Variants in GATA4 observed in about 807,000 individuals in gnomAD.
GATA4 encodes transcription factor GATA-4.
Under a neutral mutation model 37.9 loss-of-function variants are expected in GATA4, and 7 were observed. The observed-to-expected ratio is 0.18, with a 90% confidence interval of 0.11 to 0.35. GATA4 has a LOEUF of 0.35. Among genes scored for constraint, GATA4 ranks in the 10% least tolerant of loss-of-function variants. GATA4 has a pLI of 1.00. For missense variants in GATA4, 647 were observed against 653.0 expected, an observed-to-expected ratio of 0.99 and a Z score of 0.10; for synonymous variants, 372 against 292.6, an observed-to-expected ratio of 1.27 and a Z score of -2.77.
At chr8:11,683,070 CT>C (rs1209600873) in intron 1 of GATA4, 7 of 985,128 alleles carry the variant, frequency 7.1e-6, no homozygotes, top group Admixed American at 6.1e-5. Flanking sequence ...CTCTTACCCC[CT>C]AGGTTTTCCC....
chr8:11,681,548 T>C (rs372886592), intron 1 of GATA4: 1 of 754,944 alleles, frequency 1.3e-6, no homozygotes, highest in African/African-American at 1.9e-5. Context: ...CTGTTGTTTC[T>C]TTAGATACTG....
intron 2 of GATA4, among the ~76,000 whole-genome samples, chr8:11,720,931 G>T (rs895205621): frequency 6.6e-6 from 1 of 152,020 alleles, no homozygotes; most frequent in African/African-American, 2.4e-5. Context: ...TAGAAGTTCA[G>T]CTCCCTTCAC....
chr8:11,741,903 G>C (rs1229077933), intron 2 of GATA4, among the ~76,000 whole-genome samples: 1 of 152,224 alleles, frequency 6.6e-6, no homozygotes, highest in Admixed American at 6.5e-5. Context: ...CTGGGGAAGG[G>C]GTCAGGGATG....
chr8:11,719,301 C>T (rs1050423451), intron 2 of GATA4, among the ~76,000 whole-genome samples: 5 of 151,848 alleles, frequency 3.3e-5, no homozygotes, highest in African/African-American at 1.2e-4. Context: ...ACAGGTTGCC[C>T]CTCAAAATTG....
At chr8:11,720,515 G>A (rs1410993876) in intron 2 of GATA4, among the ~76,000 whole-genome samples, 2 of 152,084 alleles carry the variant, frequency 1.3e-5, no homozygotes, top group South Asian at 2.1e-4. Flanking sequence ...CTCGTGTCAC[G>A]GGGATTTGTT....
intron 2 of GATA4, among the ~76,000 whole-genome samples, chr8:11,710,431 C>G (rs1456132528): frequency 6.6e-6 from 1 of 151,906 alleles, no homozygotes; most frequent in Admixed American, 6.6e-5. Flanking sequence ...TCTCCAGGGC[C>G]CTCTGGGGCC....
chr8:11,749,972 G>A lies in GATA4; in HGVS notation c.787-139G>A. The A allele has an allele frequency of 8.8e-7, 1 of 1,135,060 alleles. No individual in the cohort carries two copies. The highest frequency in any genetic ancestry group is 1.3e-6 in the Non-Finnish European group (1 of 771,624). 70.3% of individuals were successfully genotyped at this position (1,135,060 alleles called of 1,614,324 possible). A position where few individuals can be genotyped will look rare whatever the true frequency, so the allele number is the denominator to read the frequency against. ...GACAGGAGAGTTAGGTGCCGTCACA[G>A]GTCAGAGATCTCATGCAGGGTCGTT... On this transcript the variant is annotated intron_variant, in intron 3 of 6. Coordinates refer to ENST00000532059, the MANE Select transcript of GATA4 (RefSeq NM_001308093.3). This position sits in a 1 kb window ranked among gnomAD's most constrained non-coding sequence, Gnocchi z 4.6.
chr8:11,749,869 C>G lies in GATA4; in HGVS notation c.787-242C>G, dbSNP rs1802209912. Among the ~76,000 whole-genome samples the G allele has an allele frequency of 6.6e-6, 1 of 152,202 alleles. No homozygotes were observed. The highest frequency in any genetic ancestry group is 1.5e-5 in the Non-Finnish European group (1 of 68,038). On this transcript the variant is annotated intron_variant, in intron 3 of 6. Transcript: ENST00000532059. The surrounding 1 kb of genome is among the most constrained non-coding windows in gnomAD (Gnocchi z 4.6). ...GGTGAATGATGGTTAGGACTGGAAA[C>G]CAGGTCTCGATGCCCACGTTCGCTC...
chr8:11,703,947 A>G (rs1264264415), upstream of GATA4, among the ~76,000 whole-genome samples: 1 of 152,238 alleles, frequency 6.6e-6, no homozygotes. Context: ...TGGGCACCAC[A>G]GCGAACCCAA....
At position 11,750,770 on chromosome 8, in the gene GATA4, TAA is replaced by T. The variant is rs1195090785; in HGVS notation, c.912+559_912+560del. On this transcript the variant is annotated intron_variant, in intron 4 of 6. Coordinates refer to ENST00000532059, the MANE Select transcript of GATA4 (RefSeq NM_001308093.3). ...CAACATGGTGAAACTTTGTCTCTAC[TAA>T]AAAAAAAAAAAAAAAAAAAAAAAAT... Among the ~76,000 whole-genome samples the T allele has an allele frequency of 6.8e-3, 606 of 88,778 alleles. 12 individuals are homozygous for T. Among genetic ancestry groups the T allele is most frequent in the Admixed American group, 0.02 (152 of 7,734 alleles). The allele number at this position is 88,778 out of a possible 152,430, so 58.2% of individuals were successfully genotyped here.
At chr8:11,744,452 G>A (rs1801931830) in intron 2 of GATA4, among the ~76,000 whole-genome samples, 1 of 152,184 alleles carries the variant, frequency 6.6e-6, no homozygotes, top group Non-Finnish European at 1.5e-5. Context: ...GGCTGCATCC[G>A]AGGCCACAGC....
intron 1 of GATA4, 84 bp downstream of exon 1, chr8:11,704,388 A>G (rs1219074060): frequency 6.6e-6 from 1 of 152,170 alleles, no homozygotes; most frequent in Non-Finnish European, 1.5e-5. Flanking sequence ...GTCTGGAGGT[A>G]GAGAGGTAGC....
intron 2 of GATA4, among the ~76,000 whole-genome samples, chr8:11,719,292 C>G (rs1243243117): frequency 6.7e-6 from 1 of 150,030 alleles, no homozygotes; most frequent in African/African-American, 2.5e-5. Context: ...GGCAATAATA[C>G]AGGTTGCCCC....
intron 2 of GATA4, among the ~76,000 whole-genome samples, chr8:11,721,138 C>T (rs550586661): frequency 2.0e-5 from 3 of 151,662 alleles, no homozygotes; most frequent in East Asian, 2.0e-4. Context: ...GGATCTGAAG[C>T]GCAAGGGGGC....
At chr8:11,680,907 G>A (rs1228960001) in intron 1 of GATA4, 7 of 985,334 alleles carry the variant, frequency 7.1e-6, no homozygotes, top group Non-Finnish European at 8.4e-6. Flanking sequence ...CCCTAAAGAG[G>A]CCAAGGATCA....
chr8:11,692,894 G>T, intron 1 of GATA4: 2 of 982,602 alleles, frequency 2.0e-6, no homozygotes, highest in South Asian at 9.4e-5. Context: ...GCCGCCCCGC[G>T]CTCGCCTCCA....
intron 1 of GATA4, chr8:11,706,053 ACTTT>A (rs1156962857): frequency 1.3e-5 from 2 of 152,218 alleles, no homozygotes; most frequent in Non-Finnish European, 1.5e-5. Flanking sequence ...TAATTCTTTA[ACTTT>A]ATTTTCAAAG....
chr8:11,728,729 T>C (rs1054496446), intron 2 of GATA4, among the ~76,000 whole-genome samples: 11 of 152,148 alleles, frequency 7.2e-5, no homozygotes, highest in African/African-American at 1.2e-4. Context: ...TTCAATACCA[T>C]AAAGGGTTAG....
intron 1 of GATA4, among the ~76,000 whole-genome samples, chr8:11,693,550 CACACACACACACAGAGAGAGAG>C (rs1199678625): frequency 8.6e-6 from 1 of 115,674 alleles, no homozygotes; most frequent in African/African-American, 3.4e-5. Flanking sequence ...CACACACACA[CACACACACACACAGAGAGAGAG>C]AGAGAGAGAG....
Sources: allele counts gnomAD v4.1 joint callset (sites outside exome capture counted in the v4.1 genomes callset), GRCh38; gene constraint gnomAD v4.1.1; non-coding constraint Gnocchi (gnomAD v3.1); transcripts MANE v1.5; gene names NCBI Gene and HGNC (gene_info 2026-07-23, HGNC 2026-07-21).